The following CALN1 variants were observed in gnomAD, a reference collection of about 807,000 sequenced individuals.
CALN1 encodes the protein calneuron 1, also known as calcium-binding protein 8.
CALN1 carries 17 observed loss-of-function variants against 30.6 expected under a neutral mutation model. The ratio of observed to expected loss-of-function variants is 0.56; its 90% CI spans 0.38 to 0.83. The LOEUF (loss-of-function observed/expected upper bound fraction) is 0.83, where lower values mean the gene tolerates loss of function less well. CALN1 is among the 40% of genes least tolerant of loss of function. The probability of loss-of-function intolerance (pLI) is 0.00; values close to 1 mark genes in which losing one functional copy is unlikely to be tolerated. For missense variants in CALN1, 291 were observed against 354.9 expected (o/e 0.82, Z 1.45); for synonymous variants, 156 against 131.4 (o/e 1.19, Z -1.28).
chr7:71,968,526 G>A (rs1797638016), intron 5 of CALN1, among the ~76,000 whole-genome samples: 1 of 151,968 alleles, frequency 6.6e-6, no homozygotes, highest in East Asian at 2.0e-4. Context: ...CGCCTGCCGG[G>A]TTCCAGCAAT....
chr7:71,945,701 AGAG>A (rs559042536), intron 5 of CALN1, among the ~76,000 whole-genome samples: 314 of 152,350 alleles, frequency 2.1e-3, no homozygotes, highest in African/African-American at 7.4e-3. Flanking sequence ...CATCACCCCC[AGAG>A]GAGATCGTCT....
chr7:72,134,045 T>C (rs553583003), intron 3 of CALN1, among the ~76,000 whole-genome samples: 32 of 152,366 alleles, frequency 2.1e-4, no homozygotes, highest in Non-Finnish European at 4.0e-4. Flanking sequence ...GGTTAAGTGA[T>C]GAGGGCTCTG....
chr7:72,365,593 C>A (rs181669314), intron 2 of CALN1, among the ~76,000 whole-genome samples: 1 of 152,128 alleles, frequency 6.6e-6, no homozygotes, highest in African/African-American at 2.4e-5. Context: ...CCACTCCCTG[C>A]AAATTTTTTA....
At chr7:72,199,797 A>G (rs1791293362) in intron 3 of CALN1, among the ~76,000 whole-genome samples, 2 of 152,100 alleles carry the variant, frequency 1.3e-5, no homozygotes, top group South Asian at 4.2e-4. Context: ...CTGTGATTGC[A>G]CCACTATACT....
intron 2 of CALN1, chr7:72,337,264 G>C (rs1208286148): frequency 1.0e-6 from 1 of 985,048 alleles, no homozygotes; most frequent in Admixed American, 6.2e-5. Flanking sequence ...CCGCGTTCAG[G>C]AGCCGGGCTT....
At chr7:72,373,048 G>A (rs572735140) in intron 2 of CALN1, among the ~76,000 whole-genome samples, 21 of 152,282 alleles carry the variant, frequency 1.4e-4, no homozygotes, top group Middle Eastern at 3.4e-3. Flanking sequence ...TCTCAGCAAA[G>A]AAGTAGAAGA....
intron 3 of CALN1, among the ~76,000 whole-genome samples, chr7:72,122,383 GCAACTCTCTCA>G (rs1417561726): frequency 6.6e-6 from 1 of 152,096 alleles, no homozygotes; most frequent in East Asian, 1.9e-4. Flanking sequence ...AGAGAAGGGA[GCAACTCTCTCA>G]GGCATGGCAC....
intron 5 of CALN1, among the ~76,000 whole-genome samples, chr7:71,880,146 A>G (rs568706565): frequency 4.6e-5 from 7 of 152,290 alleles, no homozygotes; most frequent in Admixed American, 2.6e-4. Context: ...CAAAAAACAA[A>G]AACAAAAATG....
At chr7:72,405,717 CA>C (rs10599244) in intron 1 of CALN1, among the ~76,000 whole-genome samples, 6,345 of 144,748 alleles carry the variant, frequency 0.044, 406 homozygotes, top group African/African-American at 0.15. Flanking sequence ...AGTAGAAACG[CA>C]AAAAAAAAAA....
At chr7:72,377,199 CTTGT>C (rs1464266186) in intron 2 of CALN1, among the ~76,000 whole-genome samples, 1 of 152,096 alleles carries the variant, frequency 6.6e-6, no homozygotes, top group Non-Finnish European at 1.5e-5. Flanking sequence ...TTAAGATTAG[CTTGT>C]TTATTTTTGC....
At chr7:72,289,463 T>A (rs796540851) in intron 2 of CALN1, among the ~76,000 whole-genome samples, 1 of 152,180 alleles carries the variant, frequency 6.6e-6, no homozygotes, top group Non-Finnish European at 1.5e-5. Context: ...GTGAAGGCAG[T>A]GATATACTGG....
In CALN1 at chr7:72,399,621, GGGATCA is replaced by G. The variant is rs1301997216; in HGVS notation, c.119+3624_119+3629del. On this transcript the variant is annotated intron_variant, in intron 2 of 6. Transcript: ENST00000395275. ...ACAGTTCACTAATTTGAGTCTTGTA[GGGATCA>G]CCTTCTTAAAAAGCTCCAACTTAAG... 2.6e-5 allele frequency among the ~76,000 whole-genome samples: 4 copies of G among 152,212 alleles called. No homozygotes were observed. The East Asian group carries it at 7.7e-4, about 29-fold the overall frequency.
chr7:72,037,555 G>A (rs1801877087), intron 4 of CALN1, among the ~76,000 whole-genome samples: 1 of 152,192 alleles, frequency 6.6e-6, no homozygotes, highest in African/African-American at 2.4e-5. Context: ...TATCCAGCCA[G>A]ATGAACTCAT....
At chr7:72,061,618 T>TA (rs1466400568) in intron 4 of CALN1, among the ~76,000 whole-genome samples, 1 of 151,388 alleles carries the variant, frequency 6.6e-6, no homozygotes, top group Admixed American at 6.6e-5. Context: ...GATAGGTCAA[T>TA]AAAAAATGTG....
At chr7:72,343,790 G>T (rs561152965) in intron 2 of CALN1, among the ~76,000 whole-genome samples, 1 of 152,284 alleles carries the variant, frequency 6.6e-6, no homozygotes, top group African/African-American at 2.4e-5. Flanking sequence ...TTTCTCTGCT[G>T]GGTTAGAAAG....
At chr7:72,357,439 T>C (rs139831023) in intron 2 of CALN1, among the ~76,000 whole-genome samples, 203 of 151,954 alleles carry the variant, frequency 1.3e-3, no homozygotes, top group Non-Finnish European at 1.6e-3. Flanking sequence ...CGATTGGAAA[T>C]AAAGCAAATT....
chr7:71,863,263 T>G (rs1200133965), intron 5 of CALN1, among the ~76,000 whole-genome samples: 2 of 147,370 alleles, frequency 1.4e-5, no homozygotes, highest in Non-Finnish European at 3.0e-5. Context: ...TCTCTCTCTC[T>G]CTCAGAAAAA....
chr7:72,376,250 T>C (rs1416061340), intron 2 of CALN1, among the ~76,000 whole-genome samples: 1 of 152,252 alleles, frequency 6.6e-6, no homozygotes, highest in Non-Finnish European at 1.5e-5. Context: ...TTCTTTTGTG[T>C]ATATATCTAG....
chr7:72,028,610 T>C (rs1291257345), intron 4 of CALN1, among the ~76,000 whole-genome samples: 1 of 152,168 alleles, frequency 6.6e-6, no homozygotes, highest in Non-Finnish European at 1.5e-5. Context: ...CATGGAAATA[T>C]TTGCTTCTAG....
Sources: gnomAD v4.1 joint callset for allele counts (sites outside exome capture counted in the v4.1 genomes callset) on GRCh38, gnomAD v4.1.1 for gene constraint, MANE v1.5 for transcripts, NCBI Gene and HGNC (gene_info 2026-07-23, HGNC 2026-07-21) for gene names.